The following ARHGAP20 variants were observed in gnomAD, a reference collection of about 807,000 sequenced individuals.
ARHGAP20 encodes the protein Rho GTPase activating protein 20.
ARHGAP20 carries 34 observed loss-of-function variants against 73.7 expected under a neutral mutation model. The observed-to-expected ratio is 0.46, with a 90% CI of 0.35 to 0.61. The LOEUF (loss-of-function observed/expected upper bound fraction) is 0.61. Ranked by LOEUF, ARHGAP20 falls within the 20% of genes least tolerant of loss-of-function variation. ARHGAP20 has a pLI of 0.00. For missense variants in ARHGAP20, 1,314 were observed against 1,420.9 expected (o/e 0.92, Z 1.21); for synonymous variants, 523 against 518.2 (o/e 1.01, Z -0.13).
intron 1 of ARHGAP20, among the ~76,000 whole-genome samples, chr11:110,696,989 T>C (rs1173007705): frequency 1.3e-5 from 2 of 151,806 alleles, no homozygotes; most frequent in African/African-American, 4.8e-5. Flanking sequence ...GACACTTGGA[T>C]TGGCTCCATG....
chr11:110,580,123 T>G lies in ARHGAP20; in HGVS notation c.2823A>C (p.Pro941=). The stretch of plus-strand genomic sequence containing the variant: ...CTGATGAGCCGGATGGGGAAGTGCC[T>G]GGGGAGGATAAGCTGGAATAGCTGG... ...PRTSYSSLSS[P]GTSPSGSSVS... is the part of the protein sequence containing the mutation. Residue 941 remains proline, a synonymous_variant, in exon 15 of 15, where the codon CCA becomes CCC. Transcript: ENST00000683387. 6.2e-7 allele frequency: 1 copy of G among 1,614,152 alleles called. No homozygotes were observed. Among genetic ancestry groups the G allele is most frequent in the South Asian group, 1.1e-5 (1 of 91,082 alleles).
chr11:110,673,161 A>G (rs1427686887), intron 2 of ARHGAP20, among the ~76,000 whole-genome samples: 1 of 152,212 alleles, frequency 6.6e-6, no homozygotes, highest in East Asian at 1.9e-4. Context: ...GATAAAAGGT[A>G]TAACACACCA....
At chr11:110,620,813 C>T (rs543658872) in intron 4 of ARHGAP20, among the ~76,000 whole-genome samples, 32 of 150,906 alleles carry the variant, frequency 2.1e-4, no homozygotes, top group African/African-American at 6.8e-4. Context: ...GGCTCATGTC[C>T]GTAATCCCAG....
In ARHGAP20 at chr11:110,676,276, T is replaced by C. The variant is rs188779955; in HGVS notation, c.188+14271A>G. 7.5e-4 allele frequency among the ~76,000 whole-genome samples: 114 copies of C among 152,230 alleles called. 1 individual carries two copies. Among genetic ancestry groups the C allele is most frequent in the African/African-American group, 2.6e-3 (110 of 41,532 alleles). ...TTTGAAGCTGAATGACAGAAAAAGG[T>C]ATTGTTTTAGTCTGTTCTCATGTTG... On this transcript the variant is annotated intron_variant, in intron 2 of 14. Coordinates refer to ENST00000683387, the MANE Select transcript of ARHGAP20 (RefSeq NM_001384657.1).
At chr11:110,605,446 T>A (rs1489268019) in intron 9 of ARHGAP20, among the ~76,000 whole-genome samples, 1 of 152,240 alleles carries the variant, frequency 6.6e-6, no homozygotes, top group Non-Finnish European at 1.5e-5. Flanking sequence ...AAATATAAAT[T>A]AGAAATTAAC....
chr11:110,658,994 A>G (rs1291896091), intron 2 of ARHGAP20, among the ~76,000 whole-genome samples: 1 of 151,978 alleles, frequency 6.6e-6, no homozygotes, highest in African/African-American at 2.4e-5. Flanking sequence ...AGTCTTTGCT[A>G]TTGTGAATAA....
At chr11:110,647,303 A>G (rs1949217059) in intron 2 of ARHGAP20, among the ~76,000 whole-genome samples, 1 of 152,136 alleles carries the variant, frequency 6.6e-6, no homozygotes, top group South Asian at 2.1e-4. Flanking sequence ...AGGAGTTAGT[A>G]TAGGTGGAGA....
At chr11:110,595,611 G>A (rs946555274) in intron 9 of ARHGAP20, among the ~76,000 whole-genome samples, 3 of 152,158 alleles carry the variant, frequency 2.0e-5, no homozygotes, top group Non-Finnish European at 2.9e-5. Flanking sequence ...TCTTCCAGGA[G>A]AACTACAAAC....
intron 1 of ARHGAP20, among the ~76,000 whole-genome samples, chr11:110,705,006 A>G (rs1392419986): frequency 6.6e-6 from 1 of 152,202 alleles, no homozygotes; most frequent in African/African-American, 2.4e-5. Context: ...TTGATATTAT[A>G]TACCTATTTT....
At chr11:110,680,192 A>G (rs1274593927) in intron 2 of ARHGAP20, among the ~76,000 whole-genome samples, 1 of 152,208 alleles carries the variant, frequency 6.6e-6, no homozygotes, top group East Asian at 1.9e-4. Flanking sequence ...TCCCCATTTT[A>G]CAGATGGATA....
Position 110,580,053 on chromosome 11 carries a change from C to CA in ARHGAP20, c.2892dup (p.Val965CysfsTer6), listed in dbSNP as rs771412963. 1.2e-6 allele frequency: 2 copies of CA among 1,614,082 alleles called. No homozygotes were observed. Among genetic ancestry groups the CA allele is most frequent in the African/African-American group, 1.3e-5 (1 of 74,928 alleles). On this transcript the variant is annotated frameshift_variant, in exon 15 of 15. Transcript: ENST00000683387. LOFTEE classifies it low-confidence loss of function (END_TRUNC). The stretch of plus-strand genomic sequence containing the variant: ...GAGGAAGTCTCAGTGGGTGTAAACA[C>CA]AGAGTGTTCAGAAATCTGAGAAAAA...
intron 11 of ARHGAP20, among the ~76,000 whole-genome samples, chr11:110,588,144 T>C (rs185831934): frequency 8.5e-4 from 130 of 152,322 alleles, no homozygotes; most frequent in African/African-American, 2.8e-3. Context: ...ACAGCTGGAA[T>C]AACAAGTTAC....
Position 110,633,048 on chromosome 11 carries a change from C to T in ARHGAP20, c.189-2256G>A, listed in dbSNP as rs577438906. ...CTGTGACCTTTCTAGGAAACTTCCA[C>T]CTATCCCCTACTCATCAAGATATTC... On this transcript the variant is annotated intron_variant, in intron 2 of 14. Transcript: ENST00000683387. Among the ~76,000 whole-genome samples, 6 of 152,274 alleles carry T rather than the reference C, an allele frequency of 3.9e-5. No homozygotes were observed. In the South Asian group the frequency reaches 1.2e-3, roughly 32 times the overall value.
rs78199450 is a variant in ARHGAP20 at position 110,671,032 on chromosome 11, G to A, written c.188+19515C>T. ...TCTGAATATAGTATGACCTCTAGTC[G>A]ATAATGTAATATTGGTTTATTAGTT... On this transcript the variant is annotated intron_variant, in intron 2 of 14. Coordinates refer to ENST00000683387, the MANE Select transcript of ARHGAP20 (RefSeq NM_001384657.1). 1.4e-3 allele frequency among the ~76,000 whole-genome samples: 215 copies of A among 152,098 alleles called. 3 individuals are homozygous for A. The highest frequency in any genetic ancestry group is 2.5e-3 in the Non-Finnish European group (168 of 67,912).
intron 2 of ARHGAP20, among the ~76,000 whole-genome samples, chr11:110,660,382 GA>G (rs1406561797): frequency 1.3e-5 from 2 of 152,152 alleles, no homozygotes; most frequent in East Asian, 3.8e-4. Flanking sequence ...GTGTGAACCA[GA>G]TACAAGTACA....
chr11:110,660,537 C>T (rs1486738154), intron 2 of ARHGAP20, among the ~76,000 whole-genome samples: 1 of 152,122 alleles, frequency 6.6e-6, no homozygotes, highest in South Asian at 2.1e-4. Context: ...ATTATTTTCT[C>T]TAGATCCTGG....
intron 9 of ARHGAP20, among the ~76,000 whole-genome samples, chr11:110,598,463 C>T (rs1948028541): frequency 6.6e-6 from 1 of 152,202 alleles, no homozygotes; most frequent in Non-Finnish European, 1.5e-5. Flanking sequence ...GCCATTCAAT[C>T]TTTCATTTAA....
At chr11:110,687,086 A>G (rs1211752583) in intron 2 of ARHGAP20, among the ~76,000 whole-genome samples, 1 of 120,954 alleles carries the variant, frequency 8.3e-6, no homozygotes, top group East Asian at 2.7e-4. Flanking sequence ...ACATATATAT[A>G]GACACACACA....
intron 10 of ARHGAP20, 68 bp from the exon 11 acceptor site, chr11:110,590,877 C>G: frequency 6.8e-7 from 1 of 1,477,926 alleles, no homozygotes. Flanking sequence ...TACACTTGCC[C>G]TCTTTGGATG....
Sources: allele counts gnomAD v4.1 joint callset (sites outside exome capture counted in the v4.1 genomes callset), GRCh38; gene constraint gnomAD v4.1.1; transcripts MANE v1.5; gene names NCBI Gene and HGNC (gene_info 2026-07-23, HGNC 2026-07-21).